The following NGLY1 variants were observed in gnomAD, a reference collection of about 807,000 sequenced individuals.
The protein encoded by NGLY1 is peptide-N(4)-(N-acetyl-beta-glucosaminyl)asparagine amidase.
Under a neutral mutation model 84.6 loss-of-function variants are expected in NGLY1, and 68 were observed. That is an observed-to-expected ratio of 0.80 (90% CI 0.66 to 0.98). NGLY1 has a LOEUF of 0.98. Among genes scored for constraint, NGLY1 ranks in the 50% least tolerant of loss-of-function variants. The pLI is 0.00. For synonymous variants in NGLY1, 280 were observed against 275.2 expected, an observed-to-expected ratio of 1.02 and a Z score of -0.17; for missense variants, 779 against 770.2, an observed-to-expected ratio of 1.01 and a Z score of -0.14.
chr3:25,772,500 T>G (rs1169681722), intron 2 of NGLY1, among the ~76,000 whole-genome samples: 1 of 152,210 alleles, frequency 6.6e-6, no homozygotes, highest in Non-Finnish European at 1.5e-5. Context: ...AATATCTTTT[T>G]TCACCCCTTT....
In NGLY1 at chr3:25,755,226, C is replaced by A. The variant is rs913545157; in HGVS notation, c.493-3963G>T. 5 of 1,371,738 alleles carry A rather than the reference C, an allele frequency of 3.6e-6. No homozygotes were observed. In the Admixed American group the frequency reaches 6.7e-5, roughly 18 times the overall value. 85.0% of individuals were successfully genotyped at this position (1,371,738 alleles called of 1,614,324 possible). On this transcript the variant is annotated intron_variant, in intron 3 of 11. Coordinates refer to ENST00000280700, the MANE Select transcript of NGLY1 (RefSeq NM_018297.4). ...GATATTGCAAGGCAGAAAAATCAAA[C>A]CCCTTTGCCACTGATTAAGCCATAT... is the stretch of plus-strand genomic sequence containing the variant.
At chr3:25,789,828 G>T (rs1708683536) in intron 1 of NGLY1, 1 of 1,551,202 alleles carries the variant, frequency 6.4e-7, no homozygotes. Context: ...CACTGCCAAA[G>T]AAAAATGCCT....
intron 2 of NGLY1, among the ~76,000 whole-genome samples, chr3:25,766,720 G>C (rs1225093172): frequency 6.6e-6 from 1 of 152,124 alleles, no homozygotes; most frequent in East Asian, 1.9e-4. Flanking sequence ...TACTGGAACA[G>C]CACTGAGAAA....
chr3:25,788,228 G>A (rs1009764952), upstream of NGLY1, among the ~76,000 whole-genome samples: 4 of 152,206 alleles, frequency 2.6e-5, no homozygotes, highest in Non-Finnish European at 5.9e-5. Context: ...AGAAAAGTTA[G>A]GGTCAATCAA....
At chr3:25,784,914 A>G (rs943923487), upstream of NGLY1, among the ~76,000 whole-genome samples, 1 of 152,170 alleles carries the variant, frequency 6.6e-6, no homozygotes, top group African/African-American at 2.4e-5. Context: ...AGGTGTCATA[A>G]TGTCAGTGGA....
At chr3:25,731,248 G>A (rs937345396) in intron 9 of NGLY1, among the ~76,000 whole-genome samples, 4 of 151,974 alleles carry the variant, frequency 2.6e-5, no homozygotes, top group African/African-American at 9.7e-5. Flanking sequence ...CATCTGGAGA[G>A]GAAAAACGTA....
rs539283646 is a variant in NGLY1 at position 25,733,782 on chromosome 3, C to T, written c.1260+90G>A. The T allele has an allele frequency of 2.3e-5, 15 of 657,876 alleles. No individual in the cohort carries two copies. In the African/African-American group the frequency reaches 2.8e-4, roughly 12 times the overall value. 40.8% of individuals were successfully genotyped at this position (657,876 alleles called of 1,614,324 possible). A position where few individuals can be genotyped will look rare whatever the true frequency, so the allele number is the denominator to read the frequency against. On this transcript the variant is annotated intron_variant, in intron 8 of 11. Transcript: ENST00000280700. ...TCTTGTTTATAAAACAATGCTACTA[C>T]TTTAAGAATTTCAATAGGCTAATAA...
intron 10 of NGLY1, among the ~76,000 whole-genome samples, chr3:25,725,560 G>A (rs149773152): frequency 6.2e-4 from 95 of 152,294 alleles, no homozygotes; most frequent in African/African-American, 2.1e-3. Context: ...GGGGAGGGGA[G>A]AGTCTTGGGG....
chr3:25,733,340 T>C (rs559065563), intron 8 of NGLY1, among the ~76,000 whole-genome samples: 4 of 152,294 alleles, frequency 2.6e-5, no homozygotes, highest in Admixed American at 6.5e-5. Context: ...GTTAAAAATT[T>C]CAATACTATC....
chr3:25,728,796 GTATT>G (rs1459110081), intron 10 of NGLY1, among the ~76,000 whole-genome samples: 1 of 151,854 alleles, frequency 6.6e-6, no homozygotes, highest in African/African-American at 2.4e-5. Context: ...ACAATATAAT[GTATT>G]TATATATACA....
At position 25,751,270 on chromosome 3, in the gene NGLY1, G is replaced by GA; in HGVS notation, c.493-8_493-7insT. 5.4e-6 allele frequency: 8 copies of GA among 1,468,524 alleles called. No individual in the cohort carries two copies. Among genetic ancestry groups the GA allele is most frequent in the Admixed American group, 5.0e-5 (2 of 40,170 alleles). The allele number at this position is 1,468,524 out of a possible 1,614,324, so 91.0% of individuals were successfully genotyped here. ...TGGCTGAGTCAGCAGCAACCTAATA[G>GA]GAAAAAAAAAAACTGAAATTAACTT... On this transcript the variant is annotated splice_region_variant and splice_polypyrimidine_tract_variant and intron_variant, in intron 3 of 11. Transcript: ENST00000280700.
At chr3:25,734,706 T>C in intron 7 of NGLY1, 3 of 800,188 alleles carry the variant, frequency 3.7e-6, no homozygotes, top group Non-Finnish European at 4.5e-6. Flanking sequence ...GGTGAGACTG[T>C]CTCGAAAAAT....
chr3:25,765,163 A>G (rs1017213505), intron 2 of NGLY1, among the ~76,000 whole-genome samples: 22 of 152,230 alleles, frequency 1.4e-4, no homozygotes, highest in Non-Finnish European at 2.8e-4. Flanking sequence ...AACTGCAAAC[A>G]AGATAAAAAG....
intron 2 of NGLY1, among the ~76,000 whole-genome samples, chr3:25,771,011 G>A (rs1707868114): frequency 6.6e-6 from 1 of 152,150 alleles, no homozygotes; most frequent in African/African-American, 2.4e-5. Context: ...TGTTAACTCT[G>A]CTGATTATTT....
At chr3:25,771,734 G>A (rs1222006615) in intron 2 of NGLY1, among the ~76,000 whole-genome samples, 1 of 152,088 alleles carries the variant, frequency 6.6e-6, no homozygotes, top group South Asian at 2.1e-4. Flanking sequence ...TTTCCTTATA[G>A]AGGTCTTTCA....
At chr3:25,757,111 GA>G (rs1305610987) in intron 3 of NGLY1, among the ~76,000 whole-genome samples, 1 of 152,100 alleles carries the variant, frequency 6.6e-6, no homozygotes, top group Non-Finnish European at 1.5e-5. Context: ...ATATATCTAA[GA>G]AAAAGTCCAG....
At chr3:25,720,917 C>T (rs767376819) in intron 10 of NGLY1, among the ~76,000 whole-genome samples, 39 of 152,132 alleles carry the variant, frequency 2.6e-4, no homozygotes, top group South Asian at 6.2e-4. Flanking sequence ...ACGCTTCAGT[C>T]GTTCATCCCT....
chr3:25,737,637 G>T (rs1382334180), intron 5 of NGLY1, among the ~76,000 whole-genome samples, 182 bp from the exon 6 acceptor site: 1 of 151,530 alleles, frequency 6.6e-6, no homozygotes, highest in Non-Finnish European at 1.5e-5. Flanking sequence ...CCGCCTCCCA[G>T]GTTCAAGTGA....
rs1292450781 is a variant in NGLY1, at chr3:25,783,409, G to C, written c.-19C>G. 5 of 1,520,552 alleles carry C rather than the reference G, an allele frequency of 3.3e-6. No homozygotes were observed. Among genetic ancestry groups the C allele is most frequent in the Non-Finnish European group, 4.4e-6 (5 of 1,135,464 alleles). The allele number at this position is 1,520,552 out of a possible 1,614,324, so 94.2% of individuals were successfully genotyped here. Reference sequence around the variant, plus strand: ...CCGCCATGCTTGAGCGCCAGCGGGCGCCGCCGCCGCCCCTCGCTCTCCGCG... The same window carrying C: ...CCGCCATGCTTGAGCGCCAGCGGGCCCCGCCGCCGCCCCTCGCTCTCCGCG... On this transcript the variant is annotated 5_prime_UTR_variant, in exon 1 of 12. Transcript: ENST00000280700. The surrounding 1 kb of genome is among the most constrained non-coding windows in gnomAD (Gnocchi z 4.5).
Sources: allele counts gnomAD v4.1 joint callset (sites outside exome capture counted in the v4.1 genomes callset), GRCh38; gene constraint gnomAD v4.1.1; non-coding constraint Gnocchi (gnomAD v3.1); transcripts MANE v1.5; gene names NCBI Gene and HGNC (gene_info 2026-07-23, HGNC 2026-07-21).